NRG1: variants seen among roughly 807,000 people sequenced by gnomAD.
NRG1 encodes neuregulin 1.
NRG1 carries 18 observed loss-of-function variants against 63.8 expected under a neutral mutation model. The ratio of observed to expected loss-of-function variants is 0.28; its 90% CI spans 0.19 to 0.42. The LOEUF is 0.42. NRG1 is among the 10% of genes least tolerant of loss of function. NRG1 has a pLI of 1.00. For missense variants in NRG1, 762 were observed against 814.7 expected (o/e 0.94, Z 0.79); for synonymous variants, 302 against 301.3 (o/e 1.00, Z -0.02).
At chr8:32,524,866 A>G (rs11783226) in intron 1 of NRG1, among the ~76,000 whole-genome samples, 147,954 of 152,298 alleles carry the variant, frequency 0.97, 72,015 homozygotes, top group East Asian at 1. Flanking sequence ...TTAACCGCTC[A>G]TCACATGAAT....
chr8:31,766,356 T>C (rs1318883497), intron 1 of NRG1, among the ~76,000 whole-genome samples: 1 of 152,128 alleles, frequency 6.6e-6, no homozygotes. Context: ...TTCAGTCTAG[T>C]AAAAAGCCTG....
chr8:32,191,231 C>T (rs1161501219), intron 1 of NRG1, among the ~76,000 whole-genome samples: 2 of 152,018 alleles, frequency 1.3e-5, no homozygotes, highest in Non-Finnish European at 2.9e-5. Context: ...ATTACAGGCA[C>T]CCACCACCAT....
intron 1 of NRG1, among the ~76,000 whole-genome samples, chr8:32,188,439 C>A (rs770787232): frequency 5.9e-5 from 9 of 152,122 alleles, no homozygotes; most frequent in Non-Finnish European, 8.8e-5. Context: ...ATGCTCCTGC[C>A]AAAGATGTCC....
Position 32,742,566 on chromosome 8 carries a change from CT to C in NRG1, c.633-108del. On this transcript the variant is annotated intron_variant, in intron 6 of 11. Coordinates refer to ENST00000356819, the Ensembl canonical transcript of NRG1. This position sits in a 1 kb window ranked among gnomAD's most constrained non-coding sequence, Gnocchi z 4.2. ...CAAAGATTCAGTTCCTGAGGGTGAA[CT>C]CACCAAGTTTCAGTCAAATGACACT... The C allele has an allele frequency of 1.0e-6, 1 of 984,010 alleles. No individual in the cohort carries two copies. The highest frequency in any genetic ancestry group is 1.6e-6 in the Non-Finnish European group (1 of 642,832). 61.0% of individuals were successfully genotyped at this position (984,010 alleles called of 1,614,324 possible).
intron 1 of NRG1, among the ~76,000 whole-genome samples, chr8:32,576,623 T>C (rs1839684846): frequency 6.6e-6 from 1 of 152,126 alleles, no homozygotes; most frequent in Non-Finnish European, 1.5e-5. Context: ...GTAAATGCCA[T>C]ATAACTTTTG....
chr8:32,515,496 G>C (rs1829732064), intron 1 of NRG1, among the ~76,000 whole-genome samples: 1 of 152,022 alleles, frequency 6.6e-6, no homozygotes, highest in African/African-American at 2.4e-5. Flanking sequence ...TCCCAGACCA[G>C]AGTGCAGTGG....
chr8:31,764,828 C>T (rs1213820413), intron 1 of NRG1, among the ~76,000 whole-genome samples: 1 of 151,412 alleles, frequency 6.6e-6, no homozygotes, highest in East Asian at 2.0e-4. Flanking sequence ...CATGCTGGTG[C>T]ACTGCACCCA....
At chr8:32,157,049 CGTGTGT>C (rs34725608) in intron 1 of NRG1, among the ~76,000 whole-genome samples, 6,875 of 140,766 alleles carry the variant, frequency 0.049, 203 homozygotes, top group Admixed American at 0.095. Context: ...AATTAAAACT[CGTGTGT>C]GTGTGTGTGT....
intron 1 of NRG1, among the ~76,000 whole-genome samples, chr8:32,138,485 G>A (rs1177985699): frequency 6.6e-6 from 1 of 151,924 alleles, no homozygotes; most frequent in Non-Finnish European, 1.5e-5. Context: ...ATGGTAACCA[G>A]GACACATTGG....
intron 1 of NRG1, among the ~76,000 whole-genome samples, chr8:32,216,181 C>A (rs939182069): frequency 2.0e-5 from 3 of 149,166 alleles, no homozygotes; most frequent in Non-Finnish European, 4.4e-5. Context: ...TACAGTTATA[C>A]ATTTTATTGT....
At chr8:32,378,744 T>TA (rs538143888) in intron 1 of NRG1, among the ~76,000 whole-genome samples, 2 of 152,216 alleles carry the variant, frequency 1.3e-5, no homozygotes, top group South Asian at 4.2e-4. Context: ...ATATTAGGTA[T>TA]ATCTCCAAAT....
chr8:31,789,030 AT>A (rs770423765), intron 1 of NRG1, among the ~76,000 whole-genome samples: 2 of 152,144 alleles, frequency 1.3e-5, no homozygotes, highest in South Asian at 2.1e-4. Context: ...ATGCTATCAT[AT>A]TTTTCCCTTG....
chr8:32,706,780 T>C (rs1252373414), intron 5 of NRG1, among the ~76,000 whole-genome samples: 1 of 152,126 alleles, frequency 6.6e-6, no homozygotes, highest in East Asian at 1.9e-4. Flanking sequence ...TTTTAAATTT[T>C]CTCAAATAAT....
At chr8:32,578,102 C>G (rs10102889) in intron 1 of NRG1, among the ~76,000 whole-genome samples, 14,278 of 152,012 alleles carry the variant, frequency 0.094, 1,796 homozygotes, top group East Asian at 0.58. Flanking sequence ...TCAAGCGATT[C>G]TCTAGCCTCA....
At chr8:31,711,619 G>T (rs1251027043) in intron 1 of NRG1, among the ~76,000 whole-genome samples, 1 of 152,130 alleles carries the variant, frequency 6.6e-6, no homozygotes. Flanking sequence ...ATATCTTTAA[G>T]TTGTCTTTAT....
chr8:31,653,053 C>T (rs1341595187), intron 1 of NRG1, among the ~76,000 whole-genome samples: 1 of 133,344 alleles, frequency 7.5e-6, no homozygotes. Flanking sequence ...CTCTCCTCTC[C>T]TCTTGTCTTC....
At chr8:31,793,122 A>T (rs1820873487) in intron 1 of NRG1, among the ~76,000 whole-genome samples, 1 of 152,222 alleles carries the variant, frequency 6.6e-6, no homozygotes, top group South Asian at 2.1e-4. Flanking sequence ...CAGCTATGTT[A>T]TAATAAGGCC....
intron 2 of NRG1, among the ~76,000 whole-genome samples, chr8:32,600,323 T>G (rs952005898): frequency 9.3e-6 from 1 of 107,500 alleles, no homozygotes; most frequent in African/African-American, 3.6e-5. Context: ...GAAGCAGTGT[T>G]GGACACACAC....
At chr8:32,558,665 T>C (rs1043884453) in intron 1 of NRG1, among the ~76,000 whole-genome samples, 3 of 152,236 alleles carry the variant, frequency 2.0e-5, no homozygotes, top group East Asian at 1.9e-4. Context: ...ATTTTAGATA[T>C]GTGATTTCAT....
Sources: allele counts gnomAD v4.1 joint callset (sites outside exome capture counted in the v4.1 genomes callset), GRCh38; gene constraint gnomAD v4.1.1; non-coding constraint Gnocchi (gnomAD v3.1); transcripts MANE v1.5; gene names NCBI Gene and HGNC (gene_info 2026-07-23, HGNC 2026-07-21).